The following FSTL1 variants were observed in gnomAD, a reference collection of about 807,000 sequenced individuals.
The protein encoded by FSTL1 is follistatin like 1.
A neutral mutation model predicts 45.9 loss-of-function variants in FSTL1; 24 were observed. That is an observed-to-expected ratio of 0.52 (90% CI 0.38 to 0.74). The LOEUF (loss-of-function observed/expected upper bound fraction) is 0.74. Ranked by LOEUF, FSTL1 falls within the 30% of genes least tolerant of loss-of-function variation. The pLI is 0.00. For missense variants in FSTL1, 340 were observed against 381.8 expected (o/e 0.89, Z 0.91); for synonymous variants, 120 against 137.6 (o/e 0.87, Z 0.89).
chr3:120,409,385 G>T, intron 6 of FSTL1, 147 bp downstream of exon 6: 1 of 712,918 alleles, frequency 1.4e-6, no homozygotes, highest in Non-Finnish European at 2.3e-6. Context: ...AACTTTCACA[G>T]CTTCATGAAT....
At chr3:120,412,518 G>C (rs1268717271) in intron 3 of FSTL1, among the ~76,000 whole-genome samples, 2 of 152,042 alleles carry the variant, frequency 1.3e-5, no homozygotes, top group Non-Finnish European at 2.9e-5. Flanking sequence ...CCTCAATCTT[G>C]TACTTCCCAG....
intron 2 of FSTL1, among the ~76,000 whole-genome samples, chr3:120,429,472 A>T (rs1005281325): frequency 3.9e-5 from 6 of 152,210 alleles, no homozygotes; most frequent in Non-Finnish European, 2.9e-5. Flanking sequence ...ACACATGGTC[A>T]CCTTAATTAC....
At chr3:120,409,320 G>A (rs957162085) in intron 6 of FSTL1, among the ~76,000 whole-genome samples, 2 of 152,220 alleles carry the variant, frequency 1.3e-5, no homozygotes, top group Non-Finnish European at 2.9e-5. Context: ...GCACATGTGT[G>A]TTAGATCCCA....
chr3:120,407,632 C>G (rs1395465169), intron 6 of FSTL1, among the ~76,000 whole-genome samples: 1 of 152,166 alleles, frequency 6.6e-6, no homozygotes, highest in Non-Finnish European at 1.5e-5. Context: ...TTTGAGATAT[C>G]AGACCTCTCA....
chr3:120,426,621 T>C (rs1249836213), intron 2 of FSTL1, among the ~76,000 whole-genome samples: 2 of 152,080 alleles, frequency 1.3e-5, no homozygotes, highest in Non-Finnish European at 2.9e-5. Flanking sequence ...AGTACCCCCA[T>C]CACTTCTGTG....
chr3:120,450,305 C>T (rs969042536), intron 2 of FSTL1, among the ~76,000 whole-genome samples: 2 of 152,144 alleles, frequency 1.3e-5, no homozygotes, highest in Non-Finnish European at 2.9e-5. Context: ...AGGAGACAGA[C>T]TTGGGAGGGA....
rs1022979732 is a variant in FSTL1, at chr3:120,412,329, G to A, written c.169-346C>T. Among the ~76,000 whole-genome samples the A allele has an allele frequency of 2.0e-5, 3 of 152,240 alleles. No homozygotes were observed. In the East Asian group the frequency reaches 5.8e-4, roughly 29 times the overall value. On this transcript the variant is annotated intron_variant, in intron 3 of 10. Coordinates refer to ENST00000295633, the MANE Select transcript of FSTL1 (RefSeq NM_007085.5). The stretch of plus-strand genomic sequence containing the variant: ...GTATTAAGAGGTGAGGCCTTTAGGA[G>A]GTGATTAGGTCATGAGGACTCCTCC...
intron 3 of FSTL1, among the ~76,000 whole-genome samples, chr3:120,415,373 C>T (rs2107657697): frequency 6.6e-6 from 1 of 152,216 alleles, no homozygotes; most frequent in Admixed American, 6.5e-5. Flanking sequence ...AACATTATGC[C>T]ACTACAATGA....
intron 3 of FSTL1, among the ~76,000 whole-genome samples, chr3:120,412,832 GCGCGCGCACACACACA>G (rs1485857216): frequency 9.3e-5 from 12 of 128,538 alleles, no homozygotes; most frequent in African/African-American, 3.4e-4. Context: ...GCGCGCGCGC[GCGCGCGCACACACACA>G]CACACACACA....
chr3:120,403,665 T>G (rs1936874233), intron 7 of FSTL1, among the ~76,000 whole-genome samples: 1 of 152,032 alleles, frequency 6.6e-6, no homozygotes, highest in African/African-American at 2.4e-5. Context: ...TACCTTCCAC[T>G]AGCAATTGCT....
At chr3:120,403,467 T>C (rs1936869090) in intron 7 of FSTL1, 113 bp from the exon 8 acceptor site, 1 of 656,154 alleles carries the variant, frequency 1.5e-6, no homozygotes, top group Non-Finnish European at 2.7e-6. Context: ...GCCAAGAAGA[T>C]GACTGCTAAC....
At chr3:120,431,755 C>A (rs1937482149) in intron 2 of FSTL1, among the ~76,000 whole-genome samples, 1 of 152,196 alleles carries the variant, frequency 6.6e-6, no homozygotes, top group African/African-American at 2.4e-5. Flanking sequence ...AAGAGGACGA[C>A]CTTCTTTAAC....
chr3:120,404,805 G>T, intron 7 of FSTL1, 48 bp downstream of exon 7: 1 of 957,140 alleles, frequency 1.0e-6, no homozygotes, highest in Non-Finnish European at 1.7e-6. Context: ...CCCTCTCTCA[G>T]TTAGTCTTCC....
At chr3:120,428,391 T>C (rs1937420074) in intron 2 of FSTL1, among the ~76,000 whole-genome samples, 1 of 152,208 alleles carries the variant, frequency 6.6e-6, no homozygotes, top group Middle Eastern at 3.4e-3. Context: ...TGAAACAAAA[T>C]GGATCTGGGA....
chr3:120,429,870 A>G (rs1488889784), intron 2 of FSTL1, among the ~76,000 whole-genome samples: 1 of 152,180 alleles, frequency 6.6e-6, no homozygotes, highest in African/African-American at 2.4e-5. Context: ...ACACTTTGTC[A>G]CCTAAGGGAG....
chr3:120,400,130 T>C (rs2107648919), intron 9 of FSTL1, 171 bp from the exon 10 acceptor site: 2 of 624,106 alleles, frequency 3.2e-6, no homozygotes, highest in East Asian at 2.7e-5. Flanking sequence ...GTGTAATTGA[T>C]ACCTCCAAGG....
chr3:120,415,538 C>T (rs1372644946), intron 3 of FSTL1, among the ~76,000 whole-genome samples: 1 of 151,936 alleles, frequency 6.6e-6, no homozygotes, highest in Non-Finnish European at 1.5e-5. Context: ...GCATATAAAC[C>T]CTATGCTTAT....
At chr3:120,408,508 T>C (rs906668011) in intron 6 of FSTL1, among the ~76,000 whole-genome samples, 2 of 152,238 alleles carry the variant, frequency 1.3e-5, no homozygotes, top group Admixed American at 6.5e-5. Context: ...TAGACTGGCA[T>C]TGGCCACATT....
At position 120,411,070 on chromosome 3, in the gene FSTL1, C is replaced by T. The variant is rs114028077; in HGVS notation, c.299-86G>A. The stretch of plus-strand genomic sequence containing the variant: ...TATTTCTAGGATTACAGCTGCTCTA[C>T]ATGTAGGGGAATGTTTGTAACCTTT... On this transcript the variant is annotated intron_variant, in intron 4 of 10. Transcript: ENST00000295633. 2.1e-3 allele frequency: 1,812 copies of T among 866,464 alleles called. 16 individuals carry two copies. The African/African-American group carries it at 0.028, about 13-fold the overall frequency. 53.7% of individuals were successfully genotyped at this position (866,464 alleles called of 1,614,324 possible).
Sources: allele counts gnomAD v4.1 joint callset (sites outside exome capture counted in the v4.1 genomes callset), GRCh38; gene constraint gnomAD v4.1.1; transcripts MANE v1.5; gene names NCBI Gene and HGNC (gene_info 2026-07-23, HGNC 2026-07-21).